DLGAP1: variants seen among roughly 807,000 people sequenced by gnomAD.
DLGAP1 encodes the protein DLG associated protein 1.
A neutral mutation model predicts 90.8 loss-of-function variants in DLGAP1; 11 were observed. The observed-to-expected ratio is 0.12, with a 90% CI of 0.08 to 0.20. The LOEUF is 0.20. DLGAP1 is among the 10% of genes least tolerant of loss of function. The pLI is 1.00. For synonymous variants in DLGAP1, 558 were observed against 540.7 expected (o/e 1.03, Z -0.44); for missense variants, 1,050 against 1,333.8 (o/e 0.79, Z 3.31).
chr18:4,239,092 T>C (rs1176334308), intron 1 of DLGAP1, among the ~76,000 whole-genome samples: 1 of 152,122 alleles, frequency 6.6e-6, no homozygotes, highest in Non-Finnish European at 1.5e-5. Context: ...CTTCAGAGAG[T>C]GCTGTTGGTA....
intron 1 of DLGAP1, among the ~76,000 whole-genome samples, chr18:4,164,926 A>G (rs1185588706): frequency 1.3e-5 from 2 of 152,218 alleles, no homozygotes; most frequent in African/African-American, 2.4e-5. Flanking sequence ...ACCTAAGGAT[A>G]GATGAATTGA....
intron 2 of DLGAP1, among the ~76,000 whole-genome samples, chr18:4,021,030 C>T (rs757948255): frequency 1.3e-5 from 2 of 152,140 alleles, no homozygotes; most frequent in Non-Finnish European, 2.9e-5. Flanking sequence ...CGGCGCCTTA[C>T]GATTTCATCT....
chr18:4,256,860 T>C (rs2078897107), intron 1 of DLGAP1, among the ~76,000 whole-genome samples: 1 of 152,044 alleles, frequency 6.6e-6, no homozygotes, highest in South Asian at 2.1e-4. Flanking sequence ...ACAGGAAATG[T>C]GACATTACCA....
At chr18:4,020,918 T>C (rs113443701) in intron 2 of DLGAP1, among the ~76,000 whole-genome samples, 5 of 152,252 alleles carry the variant, frequency 3.3e-5, no homozygotes, top group Admixed American at 2.0e-4. Flanking sequence ...ACAACCTGTG[T>C]TCTGTTCTGA....
intron 1 of DLGAP1, among the ~76,000 whole-genome samples, chr18:4,419,256 AC>A (rs2082974546): frequency 6.6e-6 from 1 of 152,116 alleles, no homozygotes; most frequent in Admixed American, 6.6e-5. Context: ...GGAAAGACCC[AC>A]CCCCATGATG....
intron 1 of DLGAP1, among the ~76,000 whole-genome samples, chr18:4,368,808 T>C (rs1447913103): frequency 1.3e-5 from 2 of 152,064 alleles, no homozygotes; most frequent in African/African-American, 4.8e-5. Flanking sequence ...CAATATAATA[T>C]TGAAATACAA....
intron 3 of DLGAP1, among the ~76,000 whole-genome samples, chr18:3,916,283 G>A (rs1024740614): frequency 5.3e-5 from 8 of 152,156 alleles, no homozygotes; most frequent in Admixed American, 3.3e-4. Context: ...AGCAGCATAT[G>A]GACGGCTTGG....
chr18:4,233,506 T>C (rs772818263), intron 1 of DLGAP1, among the ~76,000 whole-genome samples: 11 of 152,170 alleles, frequency 7.2e-5, no homozygotes, highest in Non-Finnish European at 1.3e-4. Flanking sequence ...ACAGGGTACA[T>C]TATATCAACA....
intron 11 of DLGAP1, among the ~76,000 whole-genome samples, chr18:3,507,993 T>A (rs966542028): frequency 6.6e-6 from 1 of 152,226 alleles, no homozygotes; most frequent in Non-Finnish European, 1.5e-5. Flanking sequence ...TGCCTTGGCC[T>A]CCCAAAGTGC....
At position 3,568,577 on chromosome 18, in the gene DLGAP1, C is replaced by A. The variant is rs576151193; in HGVS notation, c.1966-996G>T. On this transcript the variant is annotated intron_variant, in intron 8 of 12. Coordinates refer to ENST00000315677, the MANE Select transcript of DLGAP1 (RefSeq NM_004746.4). ...ATGTAAGTTATATAAAATTAAAATA[C>A]AGAAATATATAATGTAGAAAGAGAA... Among the ~76,000 whole-genome samples the A allele has an allele frequency of 3.9e-4, 59 of 152,066 alleles. 1 individual carries two copies. The South Asian group carries it at 0.012, about 30-fold the overall frequency.
intron 7 of DLGAP1, among the ~76,000 whole-genome samples, chr18:3,669,186 TTTC>T (rs2059990623): frequency 6.7e-6 from 1 of 148,868 alleles, no homozygotes; most frequent in South Asian, 2.1e-4. Flanking sequence ...TCCAGATGTT[TTTC>T]TTATTTTGCA....
At chr18:4,030,420 G>A (rs1219876186) in intron 2 of DLGAP1, among the ~76,000 whole-genome samples, 1 of 152,186 alleles carries the variant, frequency 6.6e-6, no homozygotes, top group Admixed American at 6.5e-5. Context: ...GGGCTAAGAA[G>A]AATGTGTGTT....
At chr18:4,404,294 C>A (rs1377288089) in intron 1 of DLGAP1, among the ~76,000 whole-genome samples, 1 of 152,130 alleles carries the variant, frequency 6.6e-6, no homozygotes, top group African/African-American at 2.4e-5. Flanking sequence ...ACTCAAAATT[C>A]AGTTCTAGCT....
At chr18:3,771,648 C>A (rs8083606) in intron 5 of DLGAP1, among the ~76,000 whole-genome samples, 152,361 of 152,368 alleles carry the variant, frequency 1, 76,177 homozygotes, top group Middle Eastern at 1. Flanking sequence ...CAAGTTTTTC[C>A]ATGTTTGACG....
At chr18:3,747,218 G>A (rs984212655) in intron 5 of DLGAP1, among the ~76,000 whole-genome samples, 27 of 152,106 alleles carry the variant, frequency 1.8e-4, no homozygotes, top group African/African-American at 5.8e-4. Flanking sequence ...GAAAAAAATT[G>A]TTCTAGAAAT....
chr18:4,126,484 T>C (rs2076235079), intron 2 of DLGAP1, among the ~76,000 whole-genome samples: 1 of 152,232 alleles, frequency 6.6e-6, no homozygotes, highest in Non-Finnish European at 1.5e-5. Context: ...TCTCTATACC[T>C]ATTTGCTTTA....
intron 1 of DLGAP1, among the ~76,000 whole-genome samples, chr18:4,178,252 CACAT>C (rs1164594310): frequency 7.2e-6 from 1 of 138,224 alleles, no homozygotes; most frequent in Non-Finnish European, 1.6e-5. Context: ...CACACACACA[CACAT>C]TAGAGATAGG....
At chr18:4,076,668 G>C (rs1200929396) in intron 2 of DLGAP1, among the ~76,000 whole-genome samples, 1 of 151,892 alleles carries the variant, frequency 6.6e-6, no homozygotes, top group Non-Finnish European at 1.5e-5. Context: ...CTGTTGCCCA[G>C]ACTGGAGTGC....
chr18:3,561,171 T>TA (rs1757227750), intron 9 of DLGAP1, among the ~76,000 whole-genome samples: 1 of 149,432 alleles, frequency 6.7e-6, no homozygotes, highest in Admixed American at 6.6e-5. Flanking sequence ...ATTTCAGCAC[T>TA]TTGGGAGGCT....
Sources: gnomAD v4.1 joint callset for allele counts (sites outside exome capture counted in the v4.1 genomes callset) on GRCh38, gnomAD v4.1.1 for gene constraint, MANE v1.5 for transcripts, NCBI Gene and HGNC (gene_info 2026-07-23, HGNC 2026-07-21) for gene names.